MACROD2: variants seen among roughly 807,000 people sequenced by gnomAD.
MACROD2 encodes the protein mono-ADP ribosylhydrolase 2, also known as ADP-ribose glycohydrolase MACROD2.
MACROD2 carries 36 observed loss-of-function variants against 70.4 expected under a neutral mutation model. The ratio of observed to expected loss-of-function variants is 0.51; its 90% CI spans 0.39 to 0.68. The LOEUF is 0.68. MACROD2 is among the 30% of genes least tolerant of loss of function. The pLI, the probability that MACROD2 is intolerant of heterozygous loss-of-function variation, is 0.00. For synonymous variants in MACROD2, 172 were observed against 178.8 expected (o/e 0.96, Z 0.30); for missense variants, 496 against 538.4 (o/e 0.92, Z 0.78).
At chr20:13,996,082 G>T (rs560250886) in intron 1 of MACROD2, among the ~76,000 whole-genome samples, 101 of 152,288 alleles carry the variant, frequency 6.6e-4, no homozygotes, top group South Asian at 1.4e-3. Context: ...CTCCCGAGGC[G>T]GTGCTGCGTT....
intron 4 of MACROD2, among the ~76,000 whole-genome samples, chr20:14,544,856 G>C (rs916328277): frequency 2.0e-5 from 3 of 152,180 alleles, no homozygotes; most frequent in Non-Finnish European, 4.4e-5. Flanking sequence ...GGGCTACTCT[G>C]TGGGGGTATT....
chr20:15,847,125 A>AT (rs1400800213), intron 8 of MACROD2, among the ~76,000 whole-genome samples: 2 of 152,082 alleles, frequency 1.3e-5, no homozygotes, highest in African/African-American at 2.4e-5. Context: ...CTTTCCAAAT[A>AT]TTTTTTACAG....
chr20:14,815,006 A>G (rs1242737000), intron 5 of MACROD2, among the ~76,000 whole-genome samples: 2 of 152,088 alleles, frequency 1.3e-5, no homozygotes, highest in Non-Finnish European at 2.9e-5. Flanking sequence ...CTATATCCTG[A>G]AACAATGACC....
At chr20:15,842,225 G>A (rs183664830) in intron 8 of MACROD2, among the ~76,000 whole-genome samples, 117 of 152,146 alleles carry the variant, frequency 7.7e-4, no homozygotes, top group African/African-American at 2.6e-3. Context: ...TCCCAATGCC[G>A]GTGGAGCTGG....
At chr20:14,210,877 G>A (rs985697118) in intron 3 of MACROD2, among the ~76,000 whole-genome samples, 6 of 152,128 alleles carry the variant, frequency 3.9e-5, no homozygotes, top group African/African-American at 9.7e-5. Flanking sequence ...GCTGATTGGC[G>A]ACTCTGGAAC....
intron 5 of MACROD2, among the ~76,000 whole-genome samples, chr20:15,037,798 A>G (rs1182240540): frequency 1.3e-5 from 2 of 152,128 alleles, no homozygotes; most frequent in African/African-American, 4.8e-5. Context: ...ATTTTAATCT[A>G]TACCTCACAA....
At chr20:15,344,854 C>A (rs1049946362) in intron 6 of MACROD2, among the ~76,000 whole-genome samples, 3 of 152,164 alleles carry the variant, frequency 2.0e-5, no homozygotes, top group Non-Finnish European at 2.9e-5. Context: ...TATTCCTATT[C>A]CTCTCTGATT....
chr20:14,299,766 A>T (rs1404580215), intron 3 of MACROD2, among the ~76,000 whole-genome samples: 1 of 152,180 alleles, frequency 6.6e-6, no homozygotes, highest in East Asian at 1.9e-4. Context: ...TAGAAGGGAT[A>T]AGATTACTTG....
intron 5 of MACROD2, among the ~76,000 whole-genome samples, chr20:14,704,881 T>C (rs6110399): frequency 0.63 from 95,731 of 151,936 alleles, 30,384 homozygotes; most frequent in South Asian, 0.72. Flanking sequence ...TGGCAGGGGC[T>C]GGCTTTTGAG....
chr20:15,432,106 A>C (rs1258942913), intron 7 of MACROD2, among the ~76,000 whole-genome samples: 1 of 152,048 alleles, frequency 6.6e-6, no homozygotes, highest in Non-Finnish European at 1.5e-5. Context: ...TATAATGTTA[A>C]AGATTTTCTG....
intron 8 of MACROD2, among the ~76,000 whole-genome samples, chr20:15,713,987 G>GCACACGCGCA (rs1555868664): frequency 8.5e-6 from 1 of 117,698 alleles, no homozygotes; most frequent in African/African-American, 2.8e-5. Context: ...ACACACATAT[G>GCACACGCGCA]CACACACACA....
intron 5 of MACROD2, among the ~76,000 whole-genome samples, chr20:15,074,206 G>C (rs147970801): frequency 6.6e-6 from 1 of 152,288 alleles, no homozygotes; most frequent in South Asian, 2.1e-4. Context: ...GCCAAAGAAG[G>C]CATGATTAGA....
intron 3 of MACROD2, among the ~76,000 whole-genome samples, chr20:14,247,321 T>C (rs1164213863): frequency 6.6e-6 from 1 of 152,212 alleles, no homozygotes; most frequent in Non-Finnish European, 1.5e-5. Context: ...AGATGCCTTC[T>C]TATGCCAGCG....
chr20:15,330,840 A>T (rs1332141193), intron 6 of MACROD2, among the ~76,000 whole-genome samples: 2 of 151,618 alleles, frequency 1.3e-5, no homozygotes, highest in African/African-American at 4.9e-5. Flanking sequence ...TTTAGAATCC[A>T]AGAGTAAAAT....
chr20:14,820,084 C>G (rs1025477901), intron 5 of MACROD2, among the ~76,000 whole-genome samples: 6 of 151,998 alleles, frequency 3.9e-5, no homozygotes, highest in Admixed American at 3.9e-4. Context: ...TTGAGAGATA[C>G]TGAGGACTTA....
In MACROD2 at chr20:15,338,644, A is replaced by C. The variant is rs531815092; in HGVS notation, c.541-92761A>C. 1.2e-4 allele frequency among the ~76,000 whole-genome samples: 18 copies of C among 151,754 alleles called. No individual in the cohort carries two copies. The South Asian group carries it at 3.7e-3, about 31-fold the overall frequency. ...CATCTGAATAACTCCATAAAGTATT[A>C]TTATTATTATCCTCATTTTTCAGAT... On this transcript the variant is annotated intron_variant, in intron 6 of 17. Transcript: ENST00000684519.
intron 5 of MACROD2, among the ~76,000 whole-genome samples, chr20:15,174,574 G>A (rs1167331962): frequency 2.6e-5 from 4 of 152,032 alleles, no homozygotes; most frequent in Admixed American, 6.5e-5. Context: ...CTGAGGAATC[G>A]CCACACTGAC....
At chr20:14,082,887 CA>C (rs1230060032) in intron 2 of MACROD2, among the ~76,000 whole-genome samples, 2 of 152,086 alleles carry the variant, frequency 1.3e-5, no homozygotes, top group African/African-American at 4.8e-5. Context: ...TTTGGTTAAT[CA>C]CAATAGAAAC....
chr20:14,411,038 C>G (rs937602178), intron 3 of MACROD2, among the ~76,000 whole-genome samples: 2 of 152,272 alleles, frequency 1.3e-5, no homozygotes, highest in African/African-American at 4.8e-5. Flanking sequence ...AAAAGTATCA[C>G]TGGGCATGAG....
Sources: gnomAD v4.1 joint callset for allele counts (sites outside exome capture counted in the v4.1 genomes callset) on GRCh38, gnomAD v4.1.1 for gene constraint, MANE v1.5 for transcripts, NCBI Gene and HGNC (gene_info 2026-07-23, HGNC 2026-07-21) for gene names.